NMNAT3: variants seen among roughly 807,000 people sequenced by gnomAD.
The protein encoded by NMNAT3 is nicotinamide/nicotinic acid mononucleotide adenylyltransferase 3.
Under a neutral mutation model 24.8 loss-of-function variants are expected in NMNAT3, and 21 were observed. The ratio of observed to expected loss-of-function variants is 0.85; its 90% CI spans 0.60 to 1.22. The LOEUF is 1.22. Among genes scored for constraint, NMNAT3 ranks in the 50% most tolerant of loss-of-function variants. The pLI is 0.00. For missense variants in NMNAT3, 387 were observed against 436.6 expected, an observed-to-expected ratio of 0.89 and a Z score of 1.01; for synonymous variants, 136 against 155.2, an observed-to-expected ratio of 0.88 and a Z score of 0.92.
intron 4 of NMNAT3, among the ~76,000 whole-genome samples, chr3:139,582,209 A>G (rs1264119995): frequency 3.7e-4 from 56 of 151,158 alleles, no homozygotes; most frequent in South Asian, 1.9e-3. Context: ...AAAAAAAAAA[A>G]AAAAAGAAAA....
At chr3:139,569,228 A>T (rs1243232771) in intron 6 of NMNAT3, 8 of 151,798 alleles carry the variant, frequency 5.3e-5, no homozygotes, top group Admixed American at 5.3e-4. Flanking sequence ...TTTTGAGCCT[A>T]TGTGTGTCTC....
chr3:139,669,180 A>G (rs542601837), intron 1 of NMNAT3, among the ~76,000 whole-genome samples: 7 of 152,276 alleles, frequency 4.6e-5, no homozygotes, highest in Non-Finnish European at 1.0e-4. Flanking sequence ...AGCATATAAA[A>G]TGGACGGGGG....
At chr3:139,563,481 C>T (rs1936726183) in intron 6 of NMNAT3, among the ~76,000 whole-genome samples, 1 of 152,108 alleles carries the variant, frequency 6.6e-6, no homozygotes, top group Non-Finnish European at 1.5e-5. Context: ...TTTGTGGGGA[C>T]AATTTCTGCA....
chr3:139,605,594 T>C (rs191330744), intron 3 of NMNAT3, among the ~76,000 whole-genome samples: 6 of 152,222 alleles, frequency 3.9e-5, no homozygotes, highest in Admixed American at 6.5e-5. Flanking sequence ...ACAGGGTTTA[T>C]ATTCTCACAA....
In NMNAT3 at chr3:139,563,856, G is replaced by A. The variant is rs77727466; in HGVS notation, c.659-2464C>T. On this transcript the variant is annotated intron_variant, in intron 6 of 6. Coordinates refer to ENST00000643695, the MANE Select transcript of NMNAT3 (RefSeq NM_001320510.2). ...GGGTGTAGTATAAAGAAATCAATACGATTTCTCCTAACAGTGATACAGATA... is the reference window on the plus strand; with the variant it reads ...GGGTGTAGTATAAAGAAATCAATACAATTTCTCCTAACAGTGATACAGATA... Among the ~76,000 whole-genome samples the A allele has an allele frequency of 3.2e-4, 48 of 152,234 alleles. 1 individual carries two copies. In the East Asian group the frequency reaches 7.7e-3, roughly 24 times the overall value.
At chr3:139,670,366 G>C (rs1000214650) in intron 1 of NMNAT3, among the ~76,000 whole-genome samples, 9 of 152,166 alleles carry the variant, frequency 5.9e-5, no homozygotes, top group Non-Finnish European at 1.0e-4. Context: ...CCCATGACGG[G>C]ATAACTCTGA....
intron 1 of NMNAT3, among the ~76,000 whole-genome samples, chr3:139,671,607 C>T (rs2057758073): frequency 7.1e-6 from 1 of 141,112 alleles, no homozygotes; most frequent in Non-Finnish European, 1.6e-5. Flanking sequence ...GGTATCCTTT[C>T]TCTCTCTCTC....
At chr3:139,570,165 A>T (rs1242232991) in intron 6 of NMNAT3, 2 of 152,284 alleles carry the variant, frequency 1.3e-5, no homozygotes, top group East Asian at 1.9e-4. Context: ...TTCGTCAGGT[A>T]GCTCTCGTGC....
intron 6 of NMNAT3, chr3:139,567,770 G>T (rs9755911): frequency 6.6e-6 from 1 of 151,876 alleles, no homozygotes; most frequent in Non-Finnish European, 1.5e-5. Flanking sequence ...TTTTTGCATC[G>T]ATGTTCATCA....
chr3:139,577,862 G>C (rs1434690061), intron 5 of NMNAT3: 1 of 152,200 alleles, frequency 6.6e-6, no homozygotes, highest in African/African-American at 2.4e-5. Context: ...TAAGTAATAA[G>C]AACCAGGATA....
At chr3:139,657,400 G>GA (rs1488435422) in intron 1 of NMNAT3, among the ~76,000 whole-genome samples, 2 of 152,242 alleles carry the variant, frequency 1.3e-5, no homozygotes, top group Non-Finnish European at 2.9e-5. Context: ...GCAAAGGAAG[G>GA]AAAAACAGGT....
intron 3 of NMNAT3, among the ~76,000 whole-genome samples, chr3:139,590,986 C>G (rs1277046754): frequency 6.6e-6 from 1 of 152,090 alleles, no homozygotes; most frequent in Non-Finnish European, 1.5e-5. Flanking sequence ...CGAATAGGAA[C>G]AGCTCCGGTC....
chr3:139,647,001 T>C (rs543179768), intron 1 of NMNAT3, among the ~76,000 whole-genome samples: 1 of 152,250 alleles, frequency 6.6e-6, no homozygotes, highest in African/African-American at 2.4e-5. Context: ...GGAACACCTG[T>C]ATGCACATCT....
At chr3:139,627,913 G>A (rs2056126485) in intron 2 of NMNAT3, 149 bp from the exon 4 acceptor site, 5 of 462,956 alleles carry the variant, frequency 1.1e-5, no homozygotes, top group Non-Finnish European at 1.9e-5. Context: ...GGTTGGCCAT[G>A]GGCCATGAAG....
chr3:139,596,964 A>ATTTTTTTT (rs3028156), intron 3 of NMNAT3, among the ~76,000 whole-genome samples: 1 of 108,540 alleles, frequency 9.2e-6, no homozygotes, highest in Non-Finnish European at 1.9e-5. Context: ...ATATATATAT[A>ATTTTTTTT]TTTTTATTAC....
intron 3 of NMNAT3, among the ~76,000 whole-genome samples, chr3:139,612,031 G>T (rs559415736): frequency 6.6e-6 from 1 of 152,282 alleles, no homozygotes; most frequent in South Asian, 2.1e-4. Context: ...GCCAGGTGTG[G>T]TGGCGCATGC....
At chr3:139,577,594 A>G (rs1031659910) in intron 5 of NMNAT3, among the ~76,000 whole-genome samples, 3 of 152,204 alleles carry the variant, frequency 2.0e-5, no homozygotes, top group Non-Finnish European at 4.4e-5. Context: ...TCTTGCTTCT[A>G]TTCCCCCTCT....
chr3:139,609,533 C>T (rs1346694618), intron 3 of NMNAT3: 3 of 151,504 alleles, frequency 2.0e-5, no homozygotes, highest in Non-Finnish European at 4.4e-5. Context: ...TCTGTGTATC[C>T]TCTTCGTGAA....
At chr3:139,566,511 C>G (rs1937244990) in intron 6 of NMNAT3, 1 of 152,148 alleles carries the variant, frequency 6.6e-6, no homozygotes, top group Non-Finnish European at 1.5e-5. Context: ...ACATTTAAGT[C>G]TTTAATCCAT....
Sources: gnomAD v4.1 joint callset for allele counts (sites outside exome capture counted in the v4.1 genomes callset) on GRCh38, gnomAD v4.1.1 for gene constraint, MANE v1.5 for transcripts, NCBI Gene and HGNC (gene_info 2026-07-23, HGNC 2026-07-21) for gene names.